The following CDH13 variants were observed in gnomAD, a reference collection of about 807,000 sequenced individuals.
The protein encoded by CDH13 is cadherin 13.
Under a neutral mutation model 63.8 loss-of-function variants are expected in CDH13, and 24 were observed. That is an observed-to-expected ratio of 0.38 (90% CI 0.27 to 0.53). The LOEUF is 0.53. Among genes scored for constraint, CDH13 ranks in the 20% least tolerant of loss-of-function variants. The pLI, the probability that CDH13 is intolerant of heterozygous loss-of-function variation, is 0.85. For synonymous variants in CDH13, 503 were observed against 355.3 expected, an observed-to-expected ratio of 1.42 and a Z score of -4.67; for missense variants, 1,049 against 903.1, an observed-to-expected ratio of 1.16 and a Z score of -2.07.
At chr16:82,804,276 TACACACACAC>T (rs140828245) in intron 1 of CDH13, among the ~76,000 whole-genome samples, 1 of 135,032 alleles carries the variant, frequency 7.4e-6, no homozygotes, top group Non-Finnish European at 1.6e-5. Context: ...GGGATCTTGC[TACACACACAC>T]ACACACACAC....
chr16:83,438,805 C>T (rs2072398333), intron 6 of CDH13, among the ~76,000 whole-genome samples: 1 of 152,102 alleles, frequency 6.6e-6, no homozygotes, highest in South Asian at 2.1e-4. Flanking sequence ...TGAGACTGTG[C>T]CAGAAAGTCT....
At chr16:83,466,579 A>G (rs910907318) in intron 6 of CDH13, among the ~76,000 whole-genome samples, 5 of 152,178 alleles carry the variant, frequency 3.3e-5, no homozygotes, top group African/African-American at 1.2e-4. Flanking sequence ...CCACCTGGCA[A>G]CCTTCATCAA....
At chr16:83,577,962 G>A (rs1471599247) in intron 7 of CDH13, among the ~76,000 whole-genome samples, 1 of 152,106 alleles carries the variant, frequency 6.6e-6, no homozygotes, top group Non-Finnish European at 1.5e-5. Flanking sequence ...CCACAAAAAT[G>A]AGAGTTCACT....
intron 2 of CDH13, among the ~76,000 whole-genome samples, chr16:82,913,502 C>T (rs771155931): frequency 2.6e-5 from 4 of 152,160 alleles, no homozygotes; most frequent in Non-Finnish European, 4.4e-5. Flanking sequence ...AACTATTTTA[C>T]TTTCTGTGAA....
At chr16:83,215,235 C>G (rs1020753080) in intron 4 of CDH13, among the ~76,000 whole-genome samples, 2 of 151,598 alleles carry the variant, frequency 1.3e-5, no homozygotes, top group African/African-American at 4.8e-5. Context: ...CGCCATCACG[C>G]CCAGCTAAAT....
At chr16:82,930,989 G>T (rs1156697903) in intron 2 of CDH13, among the ~76,000 whole-genome samples, 1 of 152,212 alleles carries the variant, frequency 6.6e-6, no homozygotes, top group African/African-American at 2.4e-5. Context: ...GGTTTTACAG[G>T]ACAGAAAAGT....
chr16:82,921,043 C>A (rs1379700951), intron 2 of CDH13, among the ~76,000 whole-genome samples: 1 of 151,976 alleles, frequency 6.6e-6, no homozygotes, highest in African/African-American at 2.4e-5. Flanking sequence ...TTAATTGATT[C>A]TTGAATATTA....
At chr16:83,077,491 C>A (rs1231182272) in intron 3 of CDH13, among the ~76,000 whole-genome samples, 1 of 151,990 alleles carries the variant, frequency 6.6e-6, no homozygotes, top group Non-Finnish European at 1.5e-5. Context: ...TCACACCTGG[C>A]CAGCATAAGA....
intron 5 of CDH13, among the ~76,000 whole-genome samples, chr16:83,233,438 T>C (rs1308363329): frequency 1.3e-5 from 2 of 152,190 alleles, no homozygotes; most frequent in Non-Finnish European, 2.9e-5. Flanking sequence ...CCCAAACAAA[T>C]TACTGCAGGC....
At chr16:82,702,716 A>G (rs974797944) in intron 1 of CDH13, among the ~76,000 whole-genome samples, 2 of 152,204 alleles carry the variant, frequency 1.3e-5, no homozygotes, top group African/African-American at 4.8e-5. Flanking sequence ...AAATTTGTGA[A>G]TATAAAAGTA....
chr16:83,796,661 T>C lies in CDH13; in HGVS notation c.*1631T>C, dbSNP rs987963558. The C allele has an allele frequency of 1.3e-5, 2 of 152,180 alleles. No homozygotes were observed. Among genetic ancestry groups the C allele is most frequent in the African/African-American group, 4.8e-5 (2 of 41,446 alleles). 9.4% of individuals were successfully genotyped at this position (152,180 alleles called of 1,614,324 possible). The stretch of plus-strand genomic sequence containing the variant: ...CCAATGTCACTGATGTTGGGTCTTG[T>C]CTTAGTGCAAGTTCACATTTTTGAC... On this transcript the variant is annotated 3_prime_UTR_variant, in exon 14 of 14. Transcript: ENST00000567109.
At chr16:83,060,915 C>G (rs1318145847) in intron 3 of CDH13, among the ~76,000 whole-genome samples, 1 of 152,136 alleles carries the variant, frequency 6.6e-6, no homozygotes, top group African/African-American at 2.4e-5. Flanking sequence ...TAGTCATTTT[C>G]TCTCACCTGA....
At chr16:83,065,128 T>G (rs982114732) in intron 3 of CDH13, among the ~76,000 whole-genome samples, 6 of 152,196 alleles carry the variant, frequency 3.9e-5, no homozygotes, top group Non-Finnish European at 8.8e-5. Context: ...TTAGCCATAT[T>G]TGTATTATCC....
At chr16:82,759,986 T>G (rs1043411714) in intron 1 of CDH13, among the ~76,000 whole-genome samples, 12 of 152,180 alleles carry the variant, frequency 7.9e-5, no homozygotes, top group Admixed American at 5.9e-4. Context: ...CACACCAGGT[T>G]TAAAAATTAT....
chr16:83,625,190 A>ATG (rs1491129931), intron 8 of CDH13, among the ~76,000 whole-genome samples: 3 of 151,140 alleles, frequency 2.0e-5, no homozygotes, highest in Non-Finnish European at 4.4e-5. Context: ...GTGTGTGCTC[A>ATG]TGTGTGTGTG....
At chr16:82,649,991 C>T (rs1359455549) in intron 1 of CDH13, among the ~76,000 whole-genome samples, 3 of 152,118 alleles carry the variant, frequency 2.0e-5, no homozygotes, top group African/African-American at 7.2e-5. Context: ...TTGCCTTAGT[C>T]ATCACAACAA....
At chr16:83,689,036 A>C (rs1192775549) in intron 10 of CDH13, among the ~76,000 whole-genome samples, 1 of 152,224 alleles carries the variant, frequency 6.6e-6, no homozygotes, top group Non-Finnish European at 1.5e-5. Flanking sequence ...CCGTTTGGGT[A>C]AATGGATGAA....
intron 5 of CDH13, among the ~76,000 whole-genome samples, chr16:83,225,515 G>A (rs2039813390): frequency 6.6e-6 from 1 of 152,224 alleles, no homozygotes; most frequent in Non-Finnish European, 1.5e-5. Context: ...AGCCAGAGAT[G>A]AAGATGTCCT....
chr16:83,784,346 G>C (rs996941136), intron 13 of CDH13, among the ~76,000 whole-genome samples: 1 of 152,108 alleles, frequency 6.6e-6, no homozygotes, highest in Non-Finnish European at 1.5e-5. Context: ...AAGGAAAAAT[G>C]AAGGGCCAGG....
Sources: gnomAD v4.1 joint callset for allele counts (sites outside exome capture counted in the v4.1 genomes callset) on GRCh38, gnomAD v4.1.1 for gene constraint, MANE v1.5 for transcripts, NCBI Gene and HGNC (gene_info 2026-07-23, HGNC 2026-07-21) for gene names.